The following PLEKHA6 variants were observed in gnomAD, a reference collection of about 807,000 sequenced individuals.
PLEKHA6 encodes pleckstrin homology domain-containing family A member 6.
Under a neutral mutation model 116.7 loss-of-function variants are expected in PLEKHA6, and 60 were observed. The ratio of observed to expected loss-of-function variants is 0.51; its 90% CI spans 0.42 to 0.64. The LOEUF is 0.64. Ranked by LOEUF, PLEKHA6 falls within the 30% of genes least tolerant of loss-of-function variation. The pLI is 0.00. For synonymous variants in PLEKHA6, 489 were observed against 556.1 expected (o/e 0.88, Z 1.70); for missense variants, 1,338 against 1,422.7 (o/e 0.94, Z 0.96).
chr1:204,248,717 G>A (rs1223360336), intron 12 of PLEKHA6, 104 bp downstream of exon 12: 2 of 1,047,734 alleles, frequency 1.9e-6, no homozygotes, highest in Admixed American at 2.0e-5. Context: ...CTCAGCTCTT[G>A]TCCTCTGAGG....
intron 1 of PLEKHA6, among the ~76,000 whole-genome samples, chr1:204,341,005 G>A (rs1672826060): frequency 6.6e-6 from 1 of 152,324 alleles, no homozygotes; most frequent in African/African-American, 2.4e-5. Context: ...CAGGGATGTG[G>A]GGAAGACTGG....
At chr1:204,323,335 A>G (rs1309731822) in intron 1 of PLEKHA6, among the ~76,000 whole-genome samples, 1 of 152,188 alleles carries the variant, frequency 6.6e-6, no homozygotes, top group Non-Finnish European at 1.5e-5. Context: ...TCTCCGCAGC[A>G]CCCCTCAAGG....
At chr1:204,234,528 AT>A (rs1222876573) in intron 17 of PLEKHA6, among the ~76,000 whole-genome samples, 4 of 152,180 alleles carry the variant, frequency 2.6e-5, no homozygotes, top group African/African-American at 4.8e-5. Context: ...ATCAACGCAC[AT>A]TATGATAATT....
Position 204,325,890 on chromosome 1 carries a change from C to T in PLEKHA6, c.-95+33804G>A, listed in dbSNP as rs188559464. On this transcript the variant is annotated intron_variant, in intron 1 of 22. Transcript: ENST00000272203. ...CAGCATGGGGAGAAGTAGTAGCTGC[C>T]ATTTCCAGGCTGCCAAAGCCAAGCA... The T allele has an allele frequency of 4.6e-4, 455 of 984,884 alleles. 3 individuals carry two copies. The highest frequency in any genetic ancestry group is 3.7e-3 in the Middle Eastern group (7 of 1,914). 61.0% of individuals were successfully genotyped at this position (984,884 alleles called of 1,614,324 possible). A position where few individuals can be genotyped will look rare whatever the true frequency, so the allele number is the denominator to read the frequency against.
At chr1:204,227,999 C>A in intron 21 of PLEKHA6, 84 bp downstream of exon 21, 4 of 1,385,984 alleles carry the variant, frequency 2.9e-6, no homozygotes, top group East Asian at 2.4e-5. Context: ...CTACTGCCCC[C>A]CTTGTAGCAG....
chr1:204,227,430 A>T (rs138372671), intron 21 of PLEKHA6, among the ~76,000 whole-genome samples: 1 of 152,252 alleles, frequency 6.6e-6, no homozygotes, highest in East Asian at 1.9e-4. Flanking sequence ...CTACATTTTC[A>T]TCTATTCTGG....
intron 1 of PLEKHA6, among the ~76,000 whole-genome samples, chr1:204,327,641 C>G (rs925136509): frequency 6.6e-6 from 1 of 152,222 alleles, no homozygotes; most frequent in Admixed American, 6.5e-5. Flanking sequence ...GGCAGATGGG[C>G]GAGCGCTGTG....
chr1:204,228,579 C>G lies in PLEKHA6; in HGVS notation c.2885+149G>C. 1 of 707,656 alleles carries G rather than the reference C, an allele frequency of 1.4e-6. No homozygotes were observed. Among genetic ancestry groups the G allele is most frequent in the Non-Finnish European group, 2.4e-6 (1 of 411,572 alleles). 43.8% of individuals were successfully genotyped at this position (707,656 alleles called of 1,614,324 possible). A position where few individuals can be genotyped will look rare whatever the true frequency, so the allele number is the denominator to read the frequency against. On this transcript the variant is annotated intron_variant, in intron 20 of 22. Coordinates refer to ENST00000272203, the MANE Select transcript of PLEKHA6 (RefSeq NM_014935.5). This position sits in a 1 kb window ranked among gnomAD's most constrained non-coding sequence, Gnocchi z 4.0. ...CTGACAGCAGCATCCTTGCCTCTGC[C>G]GGTAGCTGGGCCCTGTCTGCTGCCT...
intron 1 of PLEKHA6, among the ~76,000 whole-genome samples, chr1:204,347,824 TG>T (rs1342417194): frequency 1.3e-5 from 2 of 152,114 alleles, no homozygotes. Flanking sequence ...AGTGGGTAGA[TG>T]GCAGAGTATA....
At chr1:204,255,579 C>T (rs980975239) in intron 9 of PLEKHA6, 29 of 700,034 alleles carry the variant, frequency 4.1e-5, no homozygotes, top group African/African-American at 3.2e-4. Context: ...TGGAGAGATG[C>T]GACAGGAAGG....
At chr1:204,268,111 C>A in intron 4 of PLEKHA6, 97 bp downstream of exon 4, 5 of 714,224 alleles carry the variant, frequency 7.0e-6, no homozygotes, top group Non-Finnish European at 1.1e-5. Context: ...GGGGGACATA[C>A]CAAAAAAATA....
rs1663431280 is a variant in PLEKHA6, at chr1:204,244,956, G to T, written c.2080C>A (p.Pro694Thr). The change falls in exon 15 of 23, where the codon CCC becomes ACC. Residue 694 changes from proline (P) to threonine (T), a missense_variant. Around this residue, in one of 3 missense-constraint regions of PLEKHA6, gnomAD observed 1,136 missense variants for 1,163.6 expected, o/e 0.98. Transcript: ENST00000272203. The part of the protein sequence containing the change: ...ATYSSNSPAS[P>T]LSSASLTSPL... The stretch of plus-strand genomic sequence containing the variant: ...CTGGTGAGGCTGGCAGAGCTGAGGG[G>T]GCTGGCCGGGCTGTTGGAGCTGTAG... 2 of 1,469,734 alleles carry T rather than the reference G, an allele frequency of 1.4e-6. No homozygotes were observed. Among genetic ancestry groups the T allele is most frequent in the Non-Finnish European group, 1.8e-6 (2 of 1,108,102 alleles). 91.0% of individuals were successfully genotyped at this position (1,469,734 alleles called of 1,614,324 possible). A position where few individuals can be genotyped will look rare whatever the true frequency, so the allele number is the denominator to read the frequency against.
rs1361923926 is a variant in PLEKHA6, at chr1:204,323,205, CT to C, written c.-95+36488del. On this transcript the variant is annotated intron_variant, in intron 1 of 22. Coordinates refer to ENST00000272203, the MANE Select transcript of PLEKHA6 (RefSeq NM_014935.5). ...CACTCATGTTAATTATCTTCAGAGC[CT>C]TGCCTGGGGGAGGCCCCCCTCTGCA... 3.3e-5 allele frequency among the ~76,000 whole-genome samples: 5 copies of C among 152,258 alleles called. No individual in the cohort carries two copies. In the East Asian group the frequency reaches 9.6e-4, roughly 29 times the overall value.
At chr1:204,360,607 T>C (rs1463266180), upstream of PLEKHA6, among the ~76,000 whole-genome samples, 2 of 152,146 alleles carry the variant, frequency 1.3e-5, no homozygotes, top group Non-Finnish European at 2.9e-5. Flanking sequence ...ATGATATAGG[T>C]ACTCAGATCA....
chr1:204,317,818 C>T (rs1671916655), intron 1 of PLEKHA6, among the ~76,000 whole-genome samples: 1 of 152,212 alleles, frequency 6.6e-6, no homozygotes, highest in South Asian at 2.1e-4. Context: ...TGTTAAAACA[C>T]ACACACACAA....
intron 1 of PLEKHA6, among the ~76,000 whole-genome samples, chr1:204,299,117 G>T (rs1342077495): frequency 6.6e-6 from 1 of 152,232 alleles, no homozygotes; most frequent in Non-Finnish European, 1.5e-5. Flanking sequence ...GGCTTCAGCT[G>T]CTTTGAGTAG....
At position 204,238,076 on chromosome 1, in the gene PLEKHA6, T is replaced by C. The variant is rs143183310; in HGVS notation, c.2409+3299A>G. Among the ~76,000 whole-genome samples the C allele has an allele frequency of 1.9e-3, 282 of 152,332 alleles. 1 individual carries two copies. Among genetic ancestry groups the C allele is most frequent in the South Asian group, 0.015 (74 of 4,826 alleles). On this transcript the variant is annotated intron_variant, in intron 17 of 22. Transcript: ENST00000272203. This position sits in a 1 kb window ranked among gnomAD's most constrained non-coding sequence, Gnocchi z 4.2. Reference sequence around the variant, plus strand: ...CAACCAAGAAAGAGGCACAGTCTAGTAGGCCTATTTGGAATTTGGAAGCAA... The same window carrying C: ...CAACCAAGAAAGAGGCACAGTCTAGCAGGCCTATTTGGAATTTGGAAGCAA...
At chr1:204,349,260 C>T (rs1355130086) in intron 1 of PLEKHA6, among the ~76,000 whole-genome samples, 3 of 152,074 alleles carry the variant, frequency 2.0e-5, no homozygotes, top group Non-Finnish European at 4.4e-5. Flanking sequence ...AGTTCTTGGC[C>T]GGGTGCGGTG....
chr1:204,353,546 A>G (rs1050645125), intron 1 of PLEKHA6, among the ~76,000 whole-genome samples: 1 of 152,232 alleles, frequency 6.6e-6, no homozygotes, highest in Admixed American at 6.5e-5. Context: ...TCCAAGAAGC[A>G]GTGGCCAGGG....
Sources: allele counts gnomAD v4.1 joint callset (sites outside exome capture counted in the v4.1 genomes callset), GRCh38; gene constraint gnomAD v4.1.1; regional missense constraint gnomAD v4.1.1; non-coding constraint Gnocchi (gnomAD v3.1); transcripts MANE v1.5; gene names NCBI Gene and HGNC (gene_info 2026-07-23, HGNC 2026-07-21).